DCDC2: variants seen among roughly 807,000 people sequenced by gnomAD.
DCDC2 encodes doublecortin domain-containing protein 2.
DCDC2 carries 40 observed loss-of-function variants against 50.2 expected under a neutral mutation model. The ratio of observed to expected loss-of-function variants is 0.80; its 90% confidence interval spans 0.62 to 1.04. The LOEUF (loss-of-function observed/expected upper bound fraction) is 1.04, where lower values mean the gene tolerates loss of function less well. Ranked by LOEUF, DCDC2 falls within the 50% of genes least tolerant of loss-of-function variation. The probability of loss-of-function intolerance (pLI) is 0.00; values close to 1 mark genes in which losing one functional copy is unlikely to be tolerated. For synonymous variants in DCDC2, 234 were observed against 210.6 expected (o/e 1.11, Z -0.96); for missense variants, 570 against 581.9 (o/e 0.98, Z 0.21).
intron 8 of DCDC2, among the ~76,000 whole-genome samples, chr6:24,190,957 T>C (rs1761299901): frequency 6.6e-6 from 1 of 152,170 alleles, no homozygotes; most frequent in Admixed American, 6.5e-5. Context: ...TTCTTTAAGA[T>C]GTACAGGGAG....
intron 8 of DCDC2, among the ~76,000 whole-genome samples, chr6:24,188,598 G>A (rs546498174): frequency 1.3e-4 from 19 of 151,982 alleles, no homozygotes; most frequent in Non-Finnish European, 1.9e-4. Context: ...TGACATTTAC[G>A]TCAATTTTCA....
intron 7 of DCDC2, among the ~76,000 whole-genome samples, chr6:24,247,335 T>TTA (rs147748794): frequency 0.065 from 9,846 of 150,986 alleles, 443 homozygotes; most frequent in African/African-American, 0.13. Context: ...TTAACTATTT[T>TTA]TATATATATA....
chr6:24,322,289 CA>C (rs1464899794), intron 2 of DCDC2, among the ~76,000 whole-genome samples: 1 of 152,108 alleles, frequency 6.6e-6, no homozygotes, highest in Non-Finnish European at 1.5e-5. Context: ...ACCTACAAAT[CA>C]TAAATTCTCA....
At chr6:24,203,502 C>T (rs145898646) in intron 8 of DCDC2, among the ~76,000 whole-genome samples, 4,006 of 152,212 alleles carry the variant, frequency 0.026, 86 homozygotes, top group African/African-American at 0.058. Flanking sequence ...GGATTAAAGA[C>T]TTAAATGTAA....
chr6:24,350,655 G>A (rs530481175), intron 2 of DCDC2, among the ~76,000 whole-genome samples: 4 of 151,726 alleles, frequency 2.6e-5, no homozygotes, highest in South Asian at 4.2e-4. Flanking sequence ...GTGCTACTAC[G>A]GCACTGAAAC....
intron 9 of DCDC2, among the ~76,000 whole-genome samples, chr6:24,177,377 C>G (rs868120767): frequency 6.6e-6 from 1 of 152,166 alleles, no homozygotes; most frequent in South Asian, 2.1e-4. Flanking sequence ...ATTTTGCCAC[C>G]GCTAAACTTG....
At chr6:24,350,784 C>A (rs1760355193) in intron 2 of DCDC2, among the ~76,000 whole-genome samples, 1 of 152,158 alleles carries the variant, frequency 6.6e-6, no homozygotes, top group African/African-American at 2.4e-5. Context: ...AAAGAATGCT[C>A]ATCCTTAATA....
intron 7 of DCDC2, among the ~76,000 whole-genome samples, chr6:24,277,794 A>C (rs990209597): frequency 1.6e-5 from 2 of 128,978 alleles, no homozygotes; most frequent in African/African-American, 3.4e-5. Flanking sequence ...GCAGAGGATG[A>C]AAAAAACATA....
At chr6:24,321,004 G>T (rs1759764878) in intron 2 of DCDC2, among the ~76,000 whole-genome samples, 1 of 146,342 alleles carries the variant, frequency 6.8e-6, no homozygotes, top group Non-Finnish European at 1.5e-5. Context: ...AGACACAAAA[G>T]CCAACTTGAA....
rs75282999 is a variant in DCDC2 at position 24,352,345 on chromosome 6, C to A, written c.348+1224G>T. 6.0e-3 allele frequency among the ~76,000 whole-genome samples: 910 copies of A among 152,232 alleles called. 14 individuals are homozygous for A. The highest frequency in any genetic ancestry group is 0.02 in the African/African-American group (812 of 41,544). ...CCTTTCATCAGAATCACATCCAGAA[C>A]AAATTCACAACACTGCCCTTTATTA... On this transcript the variant is annotated intron_variant, in intron 2 of 9. Transcript: ENST00000378454.
In DCDC2 at chr6:24,290,961, A is replaced by G; in HGVS notation, c.675T>C (p.Phe225=). ...FKKLPYSELL[F]DKSTMRRPFG... ...AAGGCCTTCTCATCGTTGACTTGTCAAAAAGTAACTCACTGTAAGGCAGTT... is the reference window on the plus strand; with the variant it reads ...AAGGCCTTCTCATCGTTGACTTGTCGAAAAGTAACTCACTGTAAGGCAGTT... Residue 225 remains phenylalanine, a synonymous_variant, in exon 5 of 10, where the codon TTT becomes TTC. Coordinates refer to ENST00000378454, the MANE Select transcript of DCDC2 (RefSeq NM_016356.5). 2 of 1,613,840 alleles carry G rather than the reference A, an allele frequency of 1.2e-6. No individual in the cohort carries two copies. The highest frequency in any genetic ancestry group is 1.7e-6 in the Non-Finnish European group (2 of 1,179,934).
At chr6:24,263,898 G>A (rs1763062913) in intron 7 of DCDC2, among the ~76,000 whole-genome samples, 1 of 152,096 alleles carries the variant, frequency 6.6e-6, no homozygotes, top group African/African-American at 2.4e-5. Flanking sequence ...AGAACACCAA[G>A]CAGATTTAAC....
At chr6:24,350,814 A>G (rs143932730) in intron 2 of DCDC2, among the ~76,000 whole-genome samples, 2 of 152,302 alleles carry the variant, frequency 1.3e-5, no homozygotes, top group Non-Finnish European at 2.9e-5. Context: ...AAGATGTGCA[A>G]TCTTTTCTCA....
At chr6:24,366,849 C>CT in the DCDC2 span, among the ~76,000 whole-genome samples, 13 of 52,742 alleles carry the variant, frequency 2.5e-4, no homozygotes, top group South Asian at 7.6e-4. Flanking sequence ...AAATCTAAAT[C>CT]TTTTTTTTTT....
At chr6:24,252,368 C>T (rs998123701) in intron 7 of DCDC2, among the ~76,000 whole-genome samples, 15 of 152,140 alleles carry the variant, frequency 9.9e-5, no homozygotes, top group African/African-American at 3.6e-4. Context: ...ACAACATGTG[C>T]TAATGAATGC....
intron 2 of DCDC2, among the ~76,000 whole-genome samples, chr6:24,320,959 A>T (rs1759763477): frequency 7.2e-6 from 1 of 138,618 alleles, no homozygotes; most frequent in Non-Finnish European, 1.5e-5. Context: ...TAAAAAAATT[A>T]AAAAAAAAAA....
Position 24,190,368 on chromosome 6 carries a change from T to C in DCDC2, c.1024-11736A>G, listed in dbSNP as rs559100641. 5.9e-5 allele frequency among the ~76,000 whole-genome samples: 9 copies of C among 152,284 alleles called. No homozygotes were observed. The South Asian group carries it at 1.9e-3, about 32-fold the overall frequency. ...AGTGAGAACATGCGATGTTTGGTTT[T>C]TCGTCCTTGTGGGGTTGGGGGAGAG... On this transcript the variant is annotated intron_variant, in intron 8 of 9. Transcript: ENST00000378454.
intron 2 of DCDC2, 97 bp from the exon 3 acceptor site, chr6:24,302,141 G>T: frequency 9.9e-7 from 1 of 1,014,978 alleles, no homozygotes; most frequent in Non-Finnish European, 1.4e-6. Flanking sequence ...AACTGCCTGA[G>T]ACTTCCTGTG....
intron 6 of DCDC2, among the ~76,000 whole-genome samples, chr6:24,284,187 C>T (rs183391861): frequency 2.8e-4 from 42 of 152,218 alleles, no homozygotes; most frequent in Non-Finnish European, 5.3e-4. Context: ...AATAGATGTC[C>T]GCCCCCACTG....
Sources: allele counts gnomAD v4.1 joint callset (sites outside exome capture counted in the v4.1 genomes callset), GRCh38; gene constraint gnomAD v4.1.1; transcripts MANE v1.5; gene names NCBI Gene and HGNC (gene_info 2026-07-23, HGNC 2026-07-21).